GRXCR1: variants seen among roughly 807,000 people sequenced by gnomAD.
GRXCR1 encodes glutaredoxin domain-containing cysteine-rich protein 1.
A neutral mutation model predicts 27.3 loss-of-function variants in GRXCR1; 27 were observed. The observed-to-expected ratio is 0.99, with a 90% CI of 0.73 to 1.37. The LOEUF (loss-of-function observed/expected upper bound fraction) is 1.37, where lower values mean the gene tolerates loss of function less well. Ranked by LOEUF, GRXCR1 falls within the 40% of genes most tolerant of loss-of-function variation. The pLI is 0.00. For missense variants in GRXCR1, 379 were observed against 354.4 expected (o/e 1.07, Z -0.56); for synonymous variants, 122 against 131.1 (o/e 0.93, Z 0.47).
chr4:42,976,918 T>C (rs1396909579), intron 2 of GRXCR1, among the ~76,000 whole-genome samples: 1 of 152,038 alleles, frequency 6.6e-6, no homozygotes, highest in Non-Finnish European at 1.5e-5. Flanking sequence ...CTTGTACTTA[T>C]TCCTTCTGTG....
rs560543978 is a variant in GRXCR1 at position 42,926,945 on chromosome 4, G to A, written c.384+33295G>A. On this transcript the variant is annotated intron_variant, in intron 1 of 3. Transcript: ENST00000399770. ...GTTTTGCAACACAGCTTACAGTGCT[G>A]GAAATGCAAAACTGATTGTCATAGA... Among the ~76,000 whole-genome samples, 32 of 152,064 alleles carry A rather than the reference G, an allele frequency of 2.1e-4. 1 individual carries two copies. Among genetic ancestry groups the A allele is most frequent in the African/African-American group, 6.5e-4 (27 of 41,506 alleles).
chr4:42,986,690 C>T (rs1458041488), intron 2 of GRXCR1, among the ~76,000 whole-genome samples: 1 of 152,100 alleles, frequency 6.6e-6, no homozygotes, highest in Non-Finnish European at 1.5e-5. Flanking sequence ...AGTTGAATAA[C>T]TTAGGGGAAC....
chr4:42,945,548 T>C (rs1747723355), intron 1 of GRXCR1, among the ~76,000 whole-genome samples: 1 of 152,260 alleles, frequency 6.6e-6, no homozygotes, highest in South Asian at 2.1e-4. Flanking sequence ...GAGAGAAAGA[T>C]GCTTTCTCCC....
intron 1 of GRXCR1, among the ~76,000 whole-genome samples, chr4:42,937,020 C>T (rs1272435572): frequency 6.6e-6 from 1 of 151,800 alleles, no homozygotes; most frequent in Non-Finnish European, 1.5e-5. Flanking sequence ...TCACATTTAC[C>T]AGGTGAGGAG....
intron 3 of GRXCR1, among the ~76,000 whole-genome samples, chr4:43,024,196 C>CCTTTTTTT (rs1713181766): frequency 9.0e-5 from 2 of 22,328 alleles, no homozygotes; most frequent in African/African-American, 5.2e-4. Context: ...CATTTTCTGT[C>CCTTTTTTT]CTTTTTTTTT....
chr4:43,016,309 A>G (rs1412655521), intron 2 of GRXCR1, among the ~76,000 whole-genome samples: 1 of 152,208 alleles, frequency 6.6e-6, no homozygotes, highest in Non-Finnish European at 1.5e-5. Flanking sequence ...GGACATGTAC[A>G]TATAATAATA....
intron 2 of GRXCR1, among the ~76,000 whole-genome samples, chr4:42,963,792 A>G (rs1748180613): frequency 6.6e-6 from 1 of 152,078 alleles, no homozygotes; most frequent in East Asian, 1.9e-4. Flanking sequence ...ACAGGGCTCC[A>G]GAGAGTACAC....
At chr4:42,932,356 G>A (rs1213466141) in intron 1 of GRXCR1, among the ~76,000 whole-genome samples, 1 of 151,340 alleles carries the variant, frequency 6.6e-6, no homozygotes, top group Non-Finnish European at 1.5e-5. Context: ...TCTTACACAA[G>A]GATTCAGGAC....
Position 42,962,947 on chromosome 4 carries a change from G to C in GRXCR1, c.440G>C (p.Arg147Pro), listed in dbSNP as rs142351714. Residue 147 changes from arginine to proline, a missense_variant, in exon 2 of 4, where the codon CGT becomes CCT. Coordinates refer to ENST00000399770, the MANE Select transcript of GRXCR1 (RefSeq NM_001080476.3). ...GTAGTGATTTATACCACCTGCCTTC[G>C]TGTGGTCCGGACAACCTTTGAAAGA... ...DRVVIYTTCL[R>P]VVRTTFERCE... 2 of 1,612,350 alleles carry C rather than the reference G, an allele frequency of 1.2e-6. No individual in the cohort carries two copies. The highest frequency in any genetic ancestry group is 4.5e-5 in the East Asian group (2 of 44,842).
intron 1 of GRXCR1, among the ~76,000 whole-genome samples, chr4:42,934,913 A>G (rs1747421883): frequency 6.6e-6 from 1 of 151,988 alleles, no homozygotes; most frequent in Non-Finnish European, 1.5e-5. Flanking sequence ...TTAGTAAACT[A>G]TGCAATGAAC....
chr4:42,953,682 A>G (rs1375773714), intron 1 of GRXCR1, among the ~76,000 whole-genome samples: 1 of 152,118 alleles, frequency 6.6e-6, no homozygotes, highest in African/African-American at 2.4e-5. Context: ...TTTTTTGATC[A>G]TTGTGTAATT....
chr4:42,896,203 T>C (rs1746343410), intron 1 of GRXCR1, among the ~76,000 whole-genome samples: 2 of 152,120 alleles, frequency 1.3e-5, no homozygotes, highest in African/African-American at 2.4e-5. Context: ...TCATAAAACA[T>C]TGGTATATGT....
chr4:43,011,877 G>A (rs974576501), intron 2 of GRXCR1, among the ~76,000 whole-genome samples: 3 of 152,076 alleles, frequency 2.0e-5, no homozygotes, highest in Non-Finnish European at 2.9e-5. Context: ...GAATAATAAA[G>A]GAATTTCTAC....
chr4:42,967,034 T>G (rs1300194110), intron 2 of GRXCR1, among the ~76,000 whole-genome samples: 2 of 152,044 alleles, frequency 1.3e-5, no homozygotes, highest in African/African-American at 4.8e-5. Flanking sequence ...GAGCAAAAAT[T>G]TTTTAAGATT....
chr4:42,897,808 A>C (rs10004740), intron 1 of GRXCR1, among the ~76,000 whole-genome samples: 47,794 of 151,710 alleles, frequency 0.32, 8,347 homozygotes, highest in Middle Eastern at 0.4. Flanking sequence ...TTTTTCTAAA[A>C]TTTTTCAGTA....
At chr4:42,996,941 G>A (rs1157095734) in intron 2 of GRXCR1, among the ~76,000 whole-genome samples, 1 of 151,726 alleles carries the variant, frequency 6.6e-6, no homozygotes, top group Non-Finnish European at 1.5e-5. Flanking sequence ...ACAATCTCTT[G>A]GCCACCAACT....
At position 42,893,498 on chromosome 4, in the gene GRXCR1, G is replaced by C; in HGVS notation, c.232G>C (p.Asp78His). The change falls in exon 1 of 4, where the codon GAT (aspartate) becomes CAT (histidine). Residue 78 changes from aspartate (D) to histidine (H), a missense_variant. Physicochemically the swap from Asp to His is moderately conservative, Grantham distance 81. Transcript: ENST00000399770. ...SEGDENENDQDSLLVLARAAS... is the reference protein window; with the variant it reads ...SEGDENENDQHSLLVLARAAS... The stretch of plus-strand genomic sequence containing the variant: ...AGGTGATGAGAATGAGAATGACCAG[G>C]ATAGCTTGCTGGTGTTAGCAAGGGC... The C allele has an allele frequency of 6.2e-7, 1 of 1,613,876 alleles. No individual in the cohort carries two copies. The highest frequency in any genetic ancestry group is 8.5e-7 in the Non-Finnish European group (1 of 1,179,832).
chr4:42,943,692 A>G (rs879904769), intron 1 of GRXCR1, among the ~76,000 whole-genome samples: 4 of 152,086 alleles, frequency 2.6e-5, no homozygotes, highest in African/African-American at 4.8e-5. Flanking sequence ...AGAGGTACAT[A>G]TTTATCACTT....
chr4:42,975,488 G>T (rs1748493796), intron 2 of GRXCR1, among the ~76,000 whole-genome samples: 1 of 152,062 alleles, frequency 6.6e-6, no homozygotes, highest in African/African-American at 2.4e-5. Flanking sequence ...TGTATCCTTT[G>T]TGATTTAATA....
Sources: gnomAD v4.1 joint callset for allele counts (sites outside exome capture counted in the v4.1 genomes callset) on GRCh38, gnomAD v4.1.1 for gene constraint, MANE v1.5 for transcripts, NCBI Gene and HGNC (gene_info 2026-07-23, HGNC 2026-07-21) for gene names.